Variants in GARNL3 observed in about 807,000 individuals in gnomAD.
GARNL3 encodes the protein GTPase-activating Rap/Ran-GAP domain-like protein 3.
GARNL3 carries 63 observed loss-of-function variants against 125.0 expected under a neutral mutation model. The observed-to-expected ratio is 0.50, with a 90% CI of 0.41 to 0.62. The LOEUF is 0.62. Among genes scored for constraint, GARNL3 ranks in the 20% least tolerant of loss-of-function variants. GARNL3 has a pLI of 0.00. For synonymous variants in GARNL3, 439 were observed against 457.5 expected, an observed-to-expected ratio of 0.96 and a Z score of 0.52; for missense variants, 994 against 1,244.0, an observed-to-expected ratio of 0.80 and a Z score of 3.02.
At chr9:127,313,882 C>T (rs973631405) in intron 4 of GARNL3, among the ~76,000 whole-genome samples, 5 of 151,986 alleles carry the variant, frequency 3.3e-5, no homozygotes, top group African/African-American at 1.2e-4. Flanking sequence ...AATTTTTTTG[C>T]CTCCTCCTGC....
chr9:127,319,997 A>G (rs1166916832), intron 5 of GARNL3, among the ~76,000 whole-genome samples: 1 of 152,228 alleles, frequency 6.6e-6, no homozygotes, highest in Non-Finnish European at 1.5e-5. Context: ...AATGAACTTG[A>G]AAACTTAAAA....
intron 27 of GARNL3, among the ~76,000 whole-genome samples, chr9:127,391,383 G>T (rs1417487296): frequency 4.1e-5 from 6 of 145,298 alleles, no homozygotes; most frequent in Non-Finnish European, 7.5e-5. Context: ...CAGATTGACA[G>T]AGAGTTTTTA....
intron 26 of GARNL3, 123 bp downstream of exon 26, chr9:127,389,242 T>TTAAGTAAG: frequency 1.5e-6 from 1 of 688,322 alleles, no homozygotes; most frequent in Non-Finnish European, 2.5e-6. Context: ...GAAGGGATTT[T>TTAAGTAAG]TAAGTAAGTT....
At chr9:127,354,196 T>A in intron 18 of GARNL3, 98 bp from the exon 19 acceptor site, 1 of 884,234 alleles carries the variant, frequency 1.1e-6, no homozygotes, top group Non-Finnish European at 1.8e-6. Context: ...CCAGAACACC[T>A]CCAATCCTAG....
At chr9:127,233,863 C>T (rs1033155321) in intron 1 of GARNL3, among the ~76,000 whole-genome samples, 1 of 152,168 alleles carries the variant, frequency 6.6e-6, no homozygotes, top group Non-Finnish European at 1.5e-5. Context: ...TCCTTTTCTT[C>T]TTCCTTATGT....
chr9:127,243,656 G>C (rs1308541919), intron 2 of GARNL3, among the ~76,000 whole-genome samples: 1 of 152,104 alleles, frequency 6.6e-6, no homozygotes, highest in East Asian at 1.9e-4. Context: ...GGATATTAGA[G>C]AATAATACAT....
chr9:127,265,111 C>A, intron 1 of GARNL3, 90 bp downstream of exon 1: 1 of 1,132,446 alleles, frequency 8.8e-7, no homozygotes, highest in African/African-American at 1.6e-5. Context: ...TGTATATTTA[C>A]TGTTAGACCA....
rs760048222 is a variant in GARNL3 at position 127,342,320 on chromosome 9, C to G, written c.1237C>G (p.Pro413Ala). The stretch of plus-strand genomic sequence containing the variant: ...TAGATCTTTACACCAGGATTTGATG[C>G]CAGATTTGCATAAGGTAATTCTGGG... ...LIRSLHQDLM[P>A]DLHKNMLNRR... The change falls in exon 14 of 28, where the codon CCA (proline) becomes GCA (alanine). Residue 413 changes from proline to alanine, a missense_variant. Physicochemically the swap from Pro to Ala is conservative, Grantham distance 27 (BLOSUM62 -1). Coordinates refer to ENST00000373387, the MANE Select transcript of GARNL3 (RefSeq NM_032293.5). 1 of 1,605,498 alleles carries G rather than the reference C, an allele frequency of 6.2e-7. No homozygotes were observed. Among genetic ancestry groups the G allele is most frequent in the Non-Finnish European group, 8.5e-7 (1 of 1,172,178 alleles).
intron 21 of GARNL3, among the ~76,000 whole-genome samples, chr9:127,360,410 T>C (rs114483552): frequency 0.034 from 5,116 of 152,244 alleles, 273 homozygotes; most frequent in African/African-American, 0.12. Flanking sequence ...CGTGGTAGAA[T>C]GGCGGCTGCA....
At chr9:127,387,061 C>T (rs1039102130) in intron 24 of GARNL3, 132 bp from the exon 25 acceptor site, 19 of 868,480 alleles carry the variant, frequency 2.2e-5, no homozygotes, top group East Asian at 5.6e-5. Flanking sequence ...TCCCTCGCCC[C>T]GGCATCCCGC....
intron 2 of GARNL3, among the ~76,000 whole-genome samples, chr9:127,305,056 C>T (rs928695041): frequency 2.8e-4 from 43 of 152,250 alleles, no homozygotes; most frequent in African/African-American, 9.4e-4. Context: ...ATTTTCGTAA[C>T]GCTCAAGAGC....
At chr9:127,254,413 A>C (rs185555470) in intron 2 of GARNL3, among the ~76,000 whole-genome samples, 28 of 152,362 alleles carry the variant, frequency 1.8e-4, no homozygotes, top group African/African-American at 6.5e-4. Flanking sequence ...AAATTTAAAA[A>C]GAAAAACAAC....
At chr9:127,264,224 G>A (rs900454528), upstream of GARNL3, 47 of 358,170 alleles carry the variant, frequency 1.3e-4, no homozygotes, top group Non-Finnish European at 4.0e-5. Context: ...CCTTTTGAGT[G>A]TGCAACTGTG....
At chr9:127,328,063 A>C (rs2065629016) in intron 7 of GARNL3, among the ~76,000 whole-genome samples, 1 of 152,164 alleles carries the variant, frequency 6.6e-6, no homozygotes, top group Non-Finnish European at 1.5e-5. Context: ...AAATGTGAAC[A>C]CTTACTTCCC....
chr9:127,389,361 A>G (rs1055948194), intron 26 of GARNL3, among the ~76,000 whole-genome samples: 2 of 152,308 alleles, frequency 1.3e-5, no homozygotes, highest in South Asian at 4.1e-4. Flanking sequence ...AAGGGGGGAA[A>G]TGGGCAGTTT....
intron 27 of GARNL3, among the ~76,000 whole-genome samples, chr9:127,391,822 G>A (rs954443286): frequency 3.3e-5 from 5 of 151,908 alleles, no homozygotes; most frequent in African/African-American, 9.7e-5. Context: ...AGCATCACAC[G>A]TCAATGAATA....
Position 127,282,408 on chromosome 9 carries a change from T to C in GARNL3, c.145-8760T>C, listed in dbSNP as rs959431164. ...GGTACTATTCTAGGCTCGTTATACATTTTACATTATTAAATCCTCACCACA... is the reference window on the plus strand; with the variant it reads ...GGTACTATTCTAGGCTCGTTATACACTTTACATTATTAAATCCTCACCACA... On this transcript the variant is annotated intron_variant, in intron 1 of 27. Coordinates refer to ENST00000373387, the MANE Select transcript of GARNL3 (RefSeq NM_032293.5). 2.6e-5 allele frequency among the ~76,000 whole-genome samples: 4 copies of C among 152,220 alleles called. No individual in the cohort carries two copies. In the East Asian group the frequency reaches 7.7e-4, roughly 29 times the overall value.
At chr9:127,297,216 G>A (rs2064627848) in intron 2 of GARNL3, among the ~76,000 whole-genome samples, 1 of 152,122 alleles carries the variant, frequency 6.6e-6, no homozygotes, top group African/African-American at 2.4e-5. Flanking sequence ...ATGGCTCAAT[G>A]AAGCCTCGAC....
intron 22 of GARNL3, among the ~76,000 whole-genome samples, chr9:127,370,047 G>T (rs1164981282): frequency 6.6e-6 from 1 of 152,032 alleles, no homozygotes; most frequent in African/African-American, 2.4e-5. Flanking sequence ...GGAAGTAAGG[G>T]CTCTCTTGAC....
Sources: allele counts gnomAD v4.1 joint callset (sites outside exome capture counted in the v4.1 genomes callset), GRCh38; gene constraint gnomAD v4.1.1; transcripts MANE v1.5; gene names NCBI Gene and HGNC (gene_info 2026-07-23, HGNC 2026-07-21).